The following SAFB2 variants were observed in gnomAD, a reference collection of about 807,000 sequenced individuals.
SAFB2 encodes scaffold attachment factor B2.
SAFB2 carries 32 observed loss-of-function variants against 100.6 expected under a neutral mutation model. The observed-to-expected ratio is 0.32, with a 90% CI of 0.24 to 0.43. The LOEUF is 0.43. Among genes scored for constraint, SAFB2 ranks in the 20% least tolerant of loss-of-function variants. SAFB2 has a pLI of 1.00. For synonymous variants in SAFB2, 500 were observed against 439.4 expected (o/e 1.14, Z -1.72); for missense variants, 1,185 against 1,163.4 (o/e 1.02, Z -0.27).
At chr19:5,620,964 ATTTTT>A (rs2053127819) in intron 2 of SAFB2, among the ~76,000 whole-genome samples, 1 of 152,188 alleles carries the variant, frequency 6.6e-6, no homozygotes, top group Non-Finnish European at 1.5e-5. Context: ...GTTAAGACCT[ATTTTT>A]TGAACCAGGA....
chr19:5,622,425 G>GCGGGGCGAACC, intron 1 of SAFB2, 105 bp downstream of exon 1: 1 of 1,217,142 alleles, frequency 8.2e-7, no homozygotes, highest in East Asian at 2.9e-5. Context: ...CGGCCAAGAC[G>GCGGGGCGAACC]CGGGGCGAAC....
rs552058589 is a variant in SAFB2, at chr19:5,612,564, T to C, written c.610A>G (p.Ile204Val). 108 of 1,613,242 alleles carry C rather than the reference T, an allele frequency of 6.7e-5. No homozygotes were observed. In the South Asian group the frequency reaches 1.1e-3, roughly 17 times the overall value. ...CCTGGCTCCAAAAGGGATTCTTCAA[T>C]GTCCTATTTAAAAAAGAAAAAGCAA... The part of the protein sequence containing the change: ...SSLNFKVTPD[I>V]EESLLEPENE... The change falls in exon 6 of 21, where the codon ATT becomes GTT. Residue 204 changes from isoleucine (I) to valine (V), a missense_variant. Ile to Val is a conservative substitution (Grantham distance 29). Around this residue, in one of 3 missense-constraint regions of SAFB2, gnomAD observed 351 missense variants for 341.2 expected, o/e 1.03. Coordinates refer to ENST00000252542, the MANE Select transcript of SAFB2 (RefSeq NM_014649.3).
chr19:5,590,452 C>G, intron 17 of SAFB2, 44 bp from the exon 18 acceptor site: 1 of 1,542,302 alleles, frequency 6.5e-7, no homozygotes, highest in Non-Finnish European at 8.8e-7. Context: ...CCATGTCACC[C>G]ACATAGGCCC....
At chr19:5,593,145 G>A (rs949769261) in intron 15 of SAFB2, among the ~76,000 whole-genome samples, 3 of 152,168 alleles carry the variant, frequency 2.0e-5, no homozygotes, top group South Asian at 4.1e-4. Context: ...TCATTGTCTC[G>A]TGAGGCTGTT....
intron 9 of SAFB2, among the ~76,000 whole-genome samples, chr19:5,605,488 C>A (rs1233149089): frequency 6.6e-6 from 1 of 152,208 alleles, no homozygotes; most frequent in Non-Finnish European, 1.5e-5. Flanking sequence ...CATTAAACTT[C>A]ATTACTCACA....
Position 5,622,544 on chromosome 19 carries a change from C to G in SAFB2, c.172G>C (p.Glu58Gln). The G allele has an allele frequency of 6.2e-7, 1 of 1,612,750 alleles. No homozygotes were observed. Among genetic ancestry groups the G allele is most frequent in the Non-Finnish European group, 8.5e-7 (1 of 1,179,538 alleles). The change falls in exon 1 of 21, where the codon GAG (glutamate) becomes CAG (glutamine). Residue 58 changes from glutamate (E) to glutamine (Q), a missense_variant. Glu to Gln is a conservative substitution (Grantham distance 29). Transcript: ENST00000252542. ...CGCCGCCTCACCTTCTTGAGCCGCT[C>G]CATCAGGACGCTCTTGTTGCCGCCC... ...DTGGNKSVLM[E>Q]RLKKAVKEEG... is the part of the protein sequence containing the mutation.
intron 9 of SAFB2, among the ~76,000 whole-genome samples, chr19:5,607,348 A>G (rs2052798495): frequency 6.6e-6 from 1 of 152,238 alleles, no homozygotes; most frequent in Admixed American, 6.5e-5. Flanking sequence ...AAAGCCAATA[A>G]AATATTGGGT....
Position 5,619,701 on chromosome 19 carries a change from T to C in SAFB2, c.274+1608A>G, listed in dbSNP as rs563769100. Among the ~76,000 whole-genome samples, 3 of 152,100 alleles carry C rather than the reference T, an allele frequency of 2.0e-5. No homozygotes were observed. In the South Asian group the frequency reaches 6.2e-4, roughly 32 times the overall value. ...TCTACTAAAAATATAAAAAAGTAGC[T>C]GGGCGTGGCGACGGGCACCTGTAAT... On this transcript the variant is annotated intron_variant, in intron 2 of 20. Transcript: ENST00000252542.
At chr19:5,596,079 A>G (rs2052530465) in intron 13 of SAFB2, among the ~76,000 whole-genome samples, 1 of 152,176 alleles carries the variant, frequency 6.6e-6, no homozygotes, top group Non-Finnish European at 1.5e-5. Context: ...CCTGACCAAC[A>G]TGGTGAAACC....
At chr19:5,615,070 A>G (rs571681336) in intron 4 of SAFB2, among the ~76,000 whole-genome samples, 36 of 152,144 alleles carry the variant, frequency 2.4e-4, no homozygotes, top group Admixed American at 2.3e-3. Flanking sequence ...AAATTAGTCA[A>G]GTGGCTGGGC....
chr19:5,603,318 C>T (rs908631155), intron 11 of SAFB2, among the ~76,000 whole-genome samples: 8 of 152,096 alleles, frequency 5.3e-5, no homozygotes, highest in Non-Finnish European at 7.4e-5. Context: ...CCAATTTGGC[C>T]ATGATGTAAA....
At chr19:5,593,747 C>T (rs1055659001) in intron 15 of SAFB2, 144 bp downstream of exon 15, 2 of 862,120 alleles carry the variant, frequency 2.3e-6, no homozygotes, top group Non-Finnish European at 3.3e-6. Flanking sequence ...GTGAGATCGG[C>T]GGGGGGTCCC....
At chr19:5,622,388 T>C (rs930737088) in intron 1 of SAFB2, 142 bp downstream of exon 1, 3 of 739,532 alleles carry the variant, frequency 4.1e-6, no homozygotes, top group African/African-American at 1.9e-5. Context: ...GCCGGCCCCC[T>C]GGGTGCCCGA....
Position 5,587,702 on chromosome 19 carries a change from C to G in SAFB2, c.2704G>C (p.Gly902Arg). 1 of 1,550,628 alleles carries G rather than the reference C, an allele frequency of 6.4e-7. No individual in the cohort carries two copies. Among genetic ancestry groups the G allele is most frequent in the Non-Finnish European group, 8.7e-7 (1 of 1,146,660 alleles). ...GHMASRGGVA[G>R]RGGFAQGGHS... is the part of the protein sequence containing the mutation. Reference sequence around the variant, plus strand: ...TCCTCCACGGACGACACACCTTACCCCGCCACTCCACCGCGGCTTGCCATG... The same window carrying G: ...TCCTCCACGGACGACACACCTTACCGCGCCACTCCACCGCGGCTTGCCATG... The change falls in exon 20 of 21, where the codon GGG becomes CGG. Residue 902 changes from glycine to arginine, a missense_variant and splice_region_variant. By Grantham distance (125) the Gly-to-Arg change is moderately radical. Around this residue, in one of 3 missense-constraint regions of SAFB2, gnomAD observed 740 missense variants for 687.1 expected, o/e 1.08. Coordinates refer to ENST00000252542, the MANE Select transcript of SAFB2 (RefSeq NM_014649.3). This position sits in a 1 kb window ranked among gnomAD's most constrained non-coding sequence, Gnocchi z 4.9.
chr19:5,618,486 G>A (rs2053079157), intron 2 of SAFB2, among the ~76,000 whole-genome samples: 1 of 152,232 alleles, frequency 6.6e-6, no homozygotes, highest in South Asian at 2.1e-4. Flanking sequence ...CGCAACGTGA[G>A]CTTTTTCCAG....
intron 13 of SAFB2, among the ~76,000 whole-genome samples, chr19:5,598,030 G>C (rs539149997): frequency 6.6e-6 from 1 of 151,280 alleles, no homozygotes; most frequent in Admixed American, 6.6e-5. Flanking sequence ...CCAGCTACTC[G>C]AGAGGCTGAG....
Position 5,593,979 on chromosome 19 carries a change from G to C in SAFB2, c.2119C>G (p.Arg707Gly). 6.4e-7 allele frequency: 1 copy of C among 1,554,402 alleles called. No individual in the cohort carries two copies. The highest frequency in any genetic ancestry group is 8.6e-7 in the Non-Finnish European group (1 of 1,157,102). Reference protein sequence around the residue: ...ERRKEQERIHREREELRRQQE... With the variant: ...ERRKEQERIHGEREELRRQQE... ...TGGCGCCGCAGCTCCTCGCGCTCGC[G>C]GTGGATGCGCTCCTGCTCCTTCCTG... Residue 707 changes from arginine (R) to glycine (G), a missense_variant, in exon 15 of 21, where the codon CGC becomes GGC. Around this residue, in one of 3 missense-constraint regions of SAFB2, gnomAD observed 740 missense variants for 687.1 expected, o/e 1.08. Coordinates refer to ENST00000252542, the MANE Select transcript of SAFB2 (RefSeq NM_014649.3).
At chr19:5,590,025 C>A (rs139402140) in intron 18 of SAFB2, among the ~76,000 whole-genome samples, 1 of 152,164 alleles carries the variant, frequency 6.6e-6, no homozygotes, top group African/African-American at 2.4e-5. Context: ...CAACTGCAGG[C>A]GACCCCCAGC....
At chr19:5,615,835 G>A (rs1047908178) in intron 4 of SAFB2, among the ~76,000 whole-genome samples, 2 of 152,216 alleles carry the variant, frequency 1.3e-5, no homozygotes. Context: ...GACCGGCCTG[G>A]GTAACAGTTG....
Sources: allele counts gnomAD v4.1 joint callset (sites outside exome capture counted in the v4.1 genomes callset), GRCh38; gene constraint gnomAD v4.1.1; regional missense constraint gnomAD v4.1.1; non-coding constraint Gnocchi (gnomAD v3.1); transcripts MANE v1.5; gene names NCBI Gene and HGNC (gene_info 2026-07-23, HGNC 2026-07-21).